ADRA1A: variants seen among roughly 807,000 people sequenced by gnomAD.
ADRA1A encodes adrenoceptor alpha 1A, also known as alpha-1A adrenergic receptor.
A neutral mutation model predicts 29.6 loss-of-function variants in ADRA1A; 31 were observed. The ratio of observed to expected loss-of-function variants is 1.05; its 90% CI spans 0.79 to 1.41. The LOEUF (loss-of-function observed/expected upper bound fraction) is 1.41, where lower values mean the gene tolerates loss of function less well. ADRA1A is among the 40% of genes most tolerant of loss of function. The pLI is 0.00. For missense variants in ADRA1A, 619 were observed against 601.1 expected, an observed-to-expected ratio of 1.03 and a Z score of -0.31; for synonymous variants, 311 against 254.3, an observed-to-expected ratio of 1.22 and a Z score of -2.12.
chr8:26,751,873 C>CT (rs1804937916), downstream of ADRA1A, among the ~76,000 whole-genome samples: 1 of 152,150 alleles, frequency 6.6e-6, no homozygotes, highest in Admixed American at 6.5e-5. Context: ...CTCAGGTTGG[C>CT]TTAGGTCACA....
chr8:26,752,995 G>A (rs950290668), downstream of ADRA1A, among the ~76,000 whole-genome samples: 17 of 152,144 alleles, frequency 1.1e-4, no homozygotes, highest in Non-Finnish European at 1.5e-5. Flanking sequence ...TCTAAGTGGC[G>A]AGTGGTTGAG....
chr8:26,760,047 C>T (rs770802962), intron 2 of ADRA1A, among the ~76,000 whole-genome samples: 19 of 152,194 alleles, frequency 1.2e-4, no homozygotes, highest in Non-Finnish European at 2.1e-4. Flanking sequence ...GAGGCCACAG[C>T]GGCATGGTGT....
At chr8:26,846,886 G>C (rs989374718) in intron 2 of ADRA1A, among the ~76,000 whole-genome samples, 3 of 152,194 alleles carry the variant, frequency 2.0e-5, no homozygotes, top group Non-Finnish European at 4.4e-5. Context: ...ATACTATGCA[G>C]TCATAAAAAA....
chr8:26,815,809 C>G lies in ADRA1A; in HGVS notation c.884-45143G>C, dbSNP rs1431713732. On this transcript the variant is annotated intron_variant, in intron 2 of 2. Coordinates refer to ENST00000380573, the MANE Select transcript of ADRA1A (RefSeq NM_000680.4). The surrounding 1 kb of genome is among the most constrained non-coding windows in gnomAD (Gnocchi z 4.2). Reference sequence around the variant, plus strand: ...GGCTGAAAATTAATGAGCAAAGTAGCTGTCTGTGTTCCCTATAAAACAAAG... The same window carrying G: ...GGCTGAAAATTAATGAGCAAAGTAGGTGTCTGTGTTCCCTATAAAACAAAG... 6.6e-6 allele frequency among the ~76,000 whole-genome samples: 1 copy of G among 152,202 alleles called. No homozygotes were observed. Among genetic ancestry groups the G allele is most frequent in the Non-Finnish European group, 1.5e-5 (1 of 68,040 alleles).
intron 2 of ADRA1A, among the ~76,000 whole-genome samples, chr8:26,757,963 G>A (rs1490705074): frequency 1.3e-5 from 2 of 152,190 alleles, no homozygotes; most frequent in South Asian, 2.1e-4. Context: ...CTATTGCTAA[G>A]TAAGTAGCCA....
chr8:26,754,023 AG>A (rs1585620366), downstream of ADRA1A, among the ~76,000 whole-genome samples: 1 of 152,248 alleles, frequency 6.6e-6, no homozygotes, highest in East Asian at 1.9e-4. Flanking sequence ...TCATCTGCTT[AG>A]TACTATATAC....
chr8:26,858,805 C>A (rs1015363963), intron 2 of ADRA1A, among the ~76,000 whole-genome samples: 1 of 152,188 alleles, frequency 6.6e-6, no homozygotes, highest in Non-Finnish European at 1.5e-5. Context: ...CATGGCACCC[C>A]CCTCCCTTGA....
Position 26,864,763 on chromosome 8 carries a change from C to A in ADRA1A, c.207G>T (p.Ala69=), listed in dbSNP as rs778747853. The stretch of plus-strand genomic sequence containing the variant: ...TGGAGGTGAGCAGGAGGTCGGCCAC[C>A]GCCAGGTTGACGATGTAGTAGTGCG... ...SVTHYYIVNL[A]VADLLLTSTV... Residue 69 remains alanine (A), a synonymous_variant, in exon 2 of 3, where the codon GCG becomes GCT. Transcript: ENST00000380573. The surrounding 1 kb of genome is among the most constrained non-coding windows in gnomAD (Gnocchi z 8.1). 4.8e-5 allele frequency: 78 copies of A among 1,613,988 alleles called. No homozygotes were observed. In the Middle Eastern group the frequency reaches 4.9e-4, roughly 10 times the overall value.
downstream of ADRA1A, chr8:26,766,134 T>A (rs765906061): frequency 6.2e-7 from 1 of 1,609,378 alleles, no homozygotes; most frequent in Admixed American, 1.7e-5. Flanking sequence ...GTGAAATATC[T>A]ACAATCCATT....
chr8:26,784,671 G>C (rs1279357247), intron 2 of ADRA1A, among the ~76,000 whole-genome samples: 1 of 152,202 alleles, frequency 6.6e-6, no homozygotes, highest in East Asian at 1.9e-4. Flanking sequence ...GATAGGAATT[G>C]GTGTTAGCAA....
chr8:26,803,757 C>T (rs1808765303), intron 2 of ADRA1A, among the ~76,000 whole-genome samples: 1 of 152,020 alleles, frequency 6.6e-6, no homozygotes, highest in South Asian at 2.1e-4. Flanking sequence ...AGATGAAAGA[C>T]TAGAATAGAC....
At chr8:26,833,017 C>A (rs1007508376) in intron 2 of ADRA1A, among the ~76,000 whole-genome samples, 4 of 152,210 alleles carry the variant, frequency 2.6e-5, no homozygotes, top group Admixed American at 6.5e-5. Flanking sequence ...AGGCACACTG[C>A]AGCGCCCATT....
intron 2 of ADRA1A, among the ~76,000 whole-genome samples, chr8:26,858,174 A>G (rs1813186129): frequency 6.6e-6 from 1 of 152,238 alleles, no homozygotes. Context: ...TATGTAAGCC[A>G]CATCTCAGCC....
exon 3 of ADRA1A, chr8:26,748,555 A>T (rs1198383835): frequency 2.7e-6 from 1 of 367,980 alleles, no homozygotes; most frequent in South Asian, 2.1e-5. Context: ...CCTGGCCAAC[A>T]TGGTGAAACC....
At chr8:26,856,276 AC>A (rs1391075564) in intron 2 of ADRA1A, among the ~76,000 whole-genome samples, 10 of 152,358 alleles carry the variant, frequency 6.6e-5, no homozygotes, top group Admixed American at 4.6e-4. Context: ...TTTAAATGGC[AC>A]GGTAGAAGGA....
intron 2 of ADRA1A, among the ~76,000 whole-genome samples, chr8:26,799,938 T>C (rs1320827378): frequency 6.6e-6 from 1 of 152,180 alleles, no homozygotes; most frequent in Non-Finnish European, 1.5e-5. Context: ...GGAGGAGTTA[T>C]GTTACTTGAC....
chr8:26,847,442 T>A (rs577603624), intron 2 of ADRA1A, among the ~76,000 whole-genome samples: 2 of 152,160 alleles, frequency 1.3e-5, no homozygotes, highest in African/African-American at 4.8e-5. Context: ...AGATTGTTCT[T>A]TAGTAATTTC....
intron 2 of ADRA1A, chr8:26,779,420 A>G: frequency 1.4e-6 from 1 of 702,366 alleles, no homozygotes; most frequent in East Asian, 2.7e-5. Context: ...CTTGGGCCTC[A>G]GTTTCCTCAT....
chr8:26,812,710 G>A (rs1809481194), intron 2 of ADRA1A, among the ~76,000 whole-genome samples: 1 of 151,212 alleles, frequency 6.6e-6, no homozygotes, highest in East Asian at 1.9e-4. Context: ...TGTCACCCAG[G>A]CTGGAGTGCA....
Sources: allele counts gnomAD v4.1 joint callset (sites outside exome capture counted in the v4.1 genomes callset), GRCh38; gene constraint gnomAD v4.1.1; non-coding constraint Gnocchi (gnomAD v3.1); transcripts MANE v1.5; gene names NCBI Gene and HGNC (gene_info 2026-07-23, HGNC 2026-07-21).